Variants in ANKRD55 observed in about 807,000 individuals in gnomAD.
ANKRD55 encodes ankyrin repeat domain-containing protein 55.
ANKRD55 carries 41 observed loss-of-function variants against 60.6 expected under a neutral mutation model. The ratio of observed to expected loss-of-function variants is 0.68; its 90% CI spans 0.53 to 0.88. The LOEUF (loss-of-function observed/expected upper bound fraction) is 0.88, where lower values mean the gene tolerates loss of function less well. Ranked by LOEUF, ANKRD55 falls within the 40% of genes least tolerant of loss-of-function variation. The pLI, the probability that ANKRD55 is intolerant of heterozygous loss-of-function variation, is 0.00. For synonymous variants in ANKRD55, 264 were observed against 290.3 expected (o/e 0.91, Z 0.92); for missense variants, 732 against 767.6 (o/e 0.95, Z 0.55).
chr5:56,110,371 C>T (rs1246033924), intron 10 of ANKRD55, among the ~76,000 whole-genome samples: 4 of 152,166 alleles, frequency 2.6e-5, no homozygotes, highest in Non-Finnish European at 5.9e-5. Context: ...TGCACTCTAG[C>T]CTGGGTGACA....
At chr5:56,164,608 G>A (rs1292069115) in intron 5 of ANKRD55, among the ~76,000 whole-genome samples, 1 of 152,146 alleles carries the variant, frequency 6.6e-6, no homozygotes, top group Non-Finnish European at 1.5e-5. Flanking sequence ...AGAGAAAATT[G>A]CTGCTTGCCT....
At chr5:56,135,649 G>A (rs536961998) in intron 7 of ANKRD55, among the ~76,000 whole-genome samples, 5 of 152,114 alleles carry the variant, frequency 3.3e-5, no homozygotes, top group East Asian at 1.9e-4. Context: ...GATTACAGGC[G>A]TGAGCCACTG....
intron 3 of ANKRD55, among the ~76,000 whole-genome samples, chr5:56,181,809 T>G (rs1217186663): frequency 6.6e-6 from 1 of 152,210 alleles, no homozygotes; most frequent in African/African-American, 2.4e-5. Context: ...AGGCCGGTCT[T>G]GACCTCAAGT....
Position 56,111,696 on chromosome 5 carries a change from C to A in ANKRD55, c.1052G>T (p.Cys351Phe), listed in dbSNP as rs76363118. The change falls in exon 10 of 12, where the codon TGC becomes TTC. Residue 351 changes from cysteine (C) to phenylalanine (F), a missense_variant. This residue lies in a region of ANKRD55 where 597 missense variants were observed against 607.5 expected (regional missense o/e 0.98). Coordinates refer to ENST00000341048, the MANE Select transcript of ANKRD55 (RefSeq NM_024669.3). ...RRFNVLNQIF[C>F]KNKKEEQRAH... ...TCTCTGCTCTTCTTTCTTGTTTTTG[C>A]AGAATATTTGGTTGAGCACGTTGAA... 879 of 1,523,458 alleles carry A rather than the reference C, an allele frequency of 5.8e-4. 7 individuals are homozygous for A. In the African/African-American group the frequency reaches 0.011, roughly 19 times the overall value. The allele number at this position is 1,523,458 out of a possible 1,614,324, so 94.4% of individuals were successfully genotyped here.
intron 2 of ANKRD55, among the ~76,000 whole-genome samples, chr5:56,226,694 T>C (rs548048915): frequency 2.6e-5 from 4 of 152,166 alleles, no homozygotes; most frequent in Non-Finnish European, 5.9e-5. Context: ...AACAGACACT[T>C]CTCAAAAGAA....
intron 2 of ANKRD55, 106 bp from the exon 3 acceptor site, chr5:56,183,740 A>G: frequency 7.0e-7 from 1 of 1,437,320 alleles, no homozygotes; most frequent in South Asian, 1.3e-5. Context: ...AAACTTCTCA[A>G]GTGAATCCAG....
intron 2 of ANKRD55, among the ~76,000 whole-genome samples, chr5:56,203,507 C>A (rs568235800): frequency 6.6e-6 from 1 of 152,078 alleles, no homozygotes; most frequent in Non-Finnish European, 1.5e-5. Flanking sequence ...CAACAGTCCC[C>A]GGTGTGTGAT....
At chr5:56,126,889 A>T in intron 8 of ANKRD55, 33 bp downstream of exon 8, 1 of 1,570,858 alleles carries the variant, frequency 6.4e-7, no homozygotes. Flanking sequence ...GGAAATGACT[A>T]GTTTCCCAGC....
intron 2 of ANKRD55, among the ~76,000 whole-genome samples, chr5:56,199,978 G>A (rs1225228856): frequency 6.6e-6 from 1 of 151,918 alleles, no homozygotes; most frequent in Admixed American, 6.6e-5. Flanking sequence ...CTCTACAATT[G>A]TGTTTTAATT....
At chr5:56,224,527 C>A (rs1315853971) in intron 2 of ANKRD55, among the ~76,000 whole-genome samples, 1 of 152,010 alleles carries the variant, frequency 6.6e-6, no homozygotes, top group Non-Finnish European at 1.5e-5. Context: ...AAAAACCCTT[C>A]AAAAAATCAG....
rs1561263701 is a variant in ANKRD55 at position 56,135,247 on chromosome 5, CTT to C, written c.613-8143_613-8142del. ...CCTTCCTTCCTTCCTTCCTTCCTTC[CTT>C]CCTTCCTTCCTTCTTTCCCTCCCTC... On this transcript the variant is annotated intron_variant, in intron 7 of 11. Transcript: ENST00000341048. Among the ~76,000 whole-genome samples the C allele has an allele frequency of 2.0e-3, 282 of 137,588 alleles. 8 individuals carry two copies. Among genetic ancestry groups the C allele is most frequent in the African/African-American group, 6.5e-3 (222 of 34,200 alleles). The allele number at this position is 137,588 out of a possible 152,430, so 90.3% of individuals were successfully genotyped here.
intron 5 of ANKRD55, among the ~76,000 whole-genome samples, chr5:56,162,443 C>T (rs1199676968): frequency 6.6e-6 from 1 of 152,186 alleles, no homozygotes; most frequent in East Asian, 1.9e-4. Context: ...AGCCAGCTCC[C>T]TTTCTGGCAA....
At chr5:56,192,986 A>C (rs1759137594) in intron 2 of ANKRD55, 4 of 870,366 alleles carry the variant, frequency 4.6e-6, no homozygotes, top group Admixed American at 2.5e-5. Flanking sequence ...ATACTGGAAA[A>C]CAATTAAACC....
chr5:56,167,093 A>G (rs1758501416), intron 5 of ANKRD55, among the ~76,000 whole-genome samples: 1 of 152,226 alleles, frequency 6.6e-6, no homozygotes, highest in Non-Finnish European at 1.5e-5. Context: ...TTTAGGGTGG[A>G]CTAGTTTCCA....
rs1457222002 is a variant in ANKRD55 at position 56,111,890 on chromosome 5, A to C, written c.966-108T>G. 2.7e-6 allele frequency: 3 copies of C among 1,114,280 alleles called. No homozygotes were observed. In the African/African-American group the frequency reaches 4.8e-5, roughly 18 times the overall value. 69.0% of individuals were successfully genotyped at this position (1,114,280 alleles called of 1,614,324 possible). A position where few individuals can be genotyped will look rare whatever the true frequency, so the allele number is the denominator to read the frequency against. ...CACATGCTTCATCAGGTTTTCTGAGATCCTTCCTAGATACCTCCAAAGCCT... is the reference window on the plus strand; with the variant it reads ...CACATGCTTCATCAGGTTTTCTGAGCTCCTTCCTAGATACCTCCAAAGCCT... On this transcript the variant is annotated intron_variant, in intron 9 of 11. Transcript: ENST00000341048.
At chr5:56,112,354 C>G (rs373358668) in intron 9 of ANKRD55, among the ~76,000 whole-genome samples, 1 of 151,528 alleles carries the variant, frequency 6.6e-6, no homozygotes, top group Admixed American at 6.6e-5. Flanking sequence ...ACTTTCCTAT[C>G]GAAAAGTACT....
chr5:56,217,486 T>C (rs1353341510), intron 2 of ANKRD55, among the ~76,000 whole-genome samples: 1 of 152,216 alleles, frequency 6.6e-6, no homozygotes, highest in Non-Finnish European at 1.5e-5. Flanking sequence ...CCATAGATAG[T>C]GATTCCTCTG....
chr5:56,224,886 C>A (rs1205821073), intron 2 of ANKRD55, among the ~76,000 whole-genome samples: 2 of 152,248 alleles, frequency 1.3e-5, no homozygotes, highest in South Asian at 2.1e-4. Context: ...AGATTCACAG[C>A]CGAATTCTAC....
intron 6 of ANKRD55, among the ~76,000 whole-genome samples, chr5:56,155,408 CAGGTTACTTT>C (rs1183471789): frequency 2.6e-5 from 4 of 152,126 alleles, no homozygotes; most frequent in Non-Finnish European, 5.9e-5. Flanking sequence ...TGCTTAACAT[CAGGTTACTTT>C]AGGTTACTTT....
Sources: gnomAD v4.1 joint callset for allele counts (sites outside exome capture counted in the v4.1 genomes callset) on GRCh38, gnomAD v4.1.1 for gene constraint, gnomAD v4.1.1 regional missense constraint, MANE v1.5 for transcripts, NCBI Gene and HGNC (gene_info 2026-07-23, HGNC 2026-07-21) for gene names.